RPE65: variants seen among roughly 807,000 people sequenced by gnomAD.
RPE65 encodes retinoid isomerohydrolase.
In RPE65, 58 loss-of-function variants were observed where a neutral mutation model predicts 68.5. The ratio of observed to expected loss-of-function variants is 0.85; its 90% CI spans 0.69 to 1.05. The LOEUF is 1.05. Among genes scored for constraint, RPE65 ranks in the 50% least tolerant of loss-of-function variants. The probability of loss-of-function intolerance (pLI) is 0.00; values close to 1 mark genes in which losing one functional copy is unlikely to be tolerated. For missense variants in RPE65, 643 were observed against 629.9 expected (o/e 1.02, Z -0.22); for synonymous variants, 220 against 222.2 (o/e 0.99, Z 0.09).
intron 5 of RPE65, among the ~76,000 whole-genome samples, chr1:68,442,877 T>C (rs1351316295): frequency 2.6e-5 from 4 of 152,190 alleles, no homozygotes; most frequent in South Asian, 4.1e-4. Context: ...TGTTAAGACA[T>C]AGTAAATAGT....
Position 68,438,281 on chromosome 1 carries a change from T to C in RPE65, c.1034A>G (p.Asn345Ser), listed in dbSNP as rs769440649. The C allele has an allele frequency of 3.1e-6, 5 of 1,613,744 alleles. No homozygotes were observed. Among genetic ancestry groups the C allele is most frequent in the Admixed American group, 1.7e-5 (1 of 59,988 alleles). ...CACCTCTTCCCAGTTCTCACGTAAA[T>C]TGGCTAAATATAAGTAATTATAAAC... ...EFVYNYLYLA[N>S]LRENWEEVKK... The change falls in exon 10 of 14, where the codon AAT (asparagine) becomes AGT (serine). Residue 345 changes from asparagine (N) to serine (S), a missense_variant. By Grantham distance (46) the Asn-to-Ser change is conservative. Transcript: ENST00000262340.
intron 10 of RPE65, among the ~76,000 whole-genome samples, chr1:68,436,465 TA>T (rs1645863620): frequency 6.6e-6 from 1 of 151,406 alleles, no homozygotes; most frequent in Admixed American, 6.6e-5. Context: ...TTTATTTATT[TA>T]TTTATTTATT....
intron 10 of RPE65, among the ~76,000 whole-genome samples, chr1:68,433,991 G>A (rs1645843630): frequency 6.6e-6 from 1 of 151,802 alleles, no homozygotes; most frequent in Non-Finnish European, 1.5e-5. Flanking sequence ...TTGCAGTAGG[G>A]CAAGTGATGT....
chr1:68,431,499 A>G lies in RPE65; in HGVS notation c.1215T>C (p.Pro405=). The part of the protein sequence containing the change: ...LCSDETIWLE[P]EVLFSGPRQA... ...GACGAGGCCCTGAAAAGAGAACTTC[A>G]GGCTCCAGCCAGATAGTCTCGTCAC... Residue 405 remains proline (P), a synonymous_variant, in exon 11 of 14, where the codon CCT becomes CCC. Coordinates refer to ENST00000262340, the MANE Select transcript of RPE65 (RefSeq NM_000329.3). 2 of 1,613,984 alleles carry G rather than the reference A, an allele frequency of 1.2e-6. No homozygotes were observed. The highest frequency in any genetic ancestry group is 1.7e-6 in the Non-Finnish European group (2 of 1,179,920).
rs566689492 is a variant in RPE65 at position 68,438,529 on chromosome 1, C to T, written c.999-213G>A. The stretch of plus-strand genomic sequence containing the variant: ...ATGGATTTGTTTAAGTAACAGCAGC[C>T]TTGAGATACTTTCTGTTCTGTCTTC... On this transcript the variant is annotated intron_variant, in intron 9 of 13. Transcript: ENST00000262340. Among the ~76,000 whole-genome samples the T allele has an allele frequency of 2.6e-5, 4 of 152,122 alleles. No homozygotes were observed. The South Asian group carries it at 8.3e-4, about 32-fold the overall frequency.
intron 10 of RPE65, among the ~76,000 whole-genome samples, chr1:68,435,094 C>T (rs1028083302): frequency 4.6e-5 from 7 of 152,154 alleles, no homozygotes; most frequent in African/African-American, 1.7e-4. Context: ...TTGTCTATGG[C>T]AATGGGCACC....
Position 68,449,938 on chromosome 1 carries a change from C to A in RPE65, c.-33G>T, listed in dbSNP as rs1645971493. 1 of 1,613,852 alleles carries A rather than the reference C, an allele frequency of 6.2e-7. No homozygotes were observed. Among genetic ancestry groups the A allele is most frequent in the Admixed American group, 1.7e-5 (1 of 60,030 alleles). On this transcript the variant is annotated 5_prime_UTR_variant, in exon 1 of 14. Coordinates refer to ENST00000262340, the MANE Select transcript of RPE65 (RefSeq NM_000329.3). ...CAGTTCAGGATCCAGAGTTCTGGCA[C>A]CAACTGCAGAATGAAGAAGGAAGTT... is the stretch of plus-strand genomic sequence containing the variant.
At chr1:68,447,726 G>A (rs1474475498) in intron 2 of RPE65, among the ~76,000 whole-genome samples, 1 of 152,188 alleles carries the variant, frequency 6.6e-6, no homozygotes, top group African/African-American at 2.4e-5. Context: ...GCGGGCGCCT[G>A]TAGTCCCAGC....
intron 5 of RPE65, among the ~76,000 whole-genome samples, chr1:68,442,819 A>G (rs1645912607): frequency 6.6e-6 from 1 of 152,236 alleles, no homozygotes; most frequent in African/African-American, 2.4e-5. Context: ...ACACTTGTAT[A>G]TGGTTACACA....
chr1:68,431,517 C>T lies in RPE65; in HGVS notation c.1197G>A (p.Glu399=). 1 of 1,613,972 alleles carries T rather than the reference C, an allele frequency of 6.2e-7. No homozygotes were observed. The highest frequency in any genetic ancestry group is 8.5e-7 in the Non-Finnish European group (1 of 1,179,912). ...TTATAILCSD[E]TIWLEPEVLF... Reference sequence around the variant, plus strand: ...GAACTTCAGGCTCCAGCCAGATAGTCTCGTCACTGCACAGAATTGCAGTGG... The same window carrying T: ...GAACTTCAGGCTCCAGCCAGATAGTTTCGTCACTGCACAGAATTGCAGTGG... The change falls in exon 11 of 14, where the codon GAG becomes GAA. Residue 399 remains glutamate (E), a synonymous_variant. Transcript: ENST00000262340.
rs1557595714 is a variant in RPE65 at position 68,431,046 on chromosome 1, C to G, written c.1450+19G>C. The G allele has an allele frequency of 1.3e-6, 2 of 1,591,520 alleles. No homozygotes were observed. Reference sequence around the variant, plus strand: ...CTGCAGTAAGAAGAGTATTCAGACACAACAATTGCTTTCATTACCATCATC... The same window carrying G: ...CTGCAGTAAGAAGAGTATTCAGACAGAACAATTGCTTTCATTACCATCATC... On this transcript the variant is annotated intron_variant, in intron 13 of 13. Coordinates refer to ENST00000262340, the MANE Select transcript of RPE65 (RefSeq NM_000329.3).
At chr1:68,441,115 T>G in intron 5 of RPE65, 115 bp from the exon 6 acceptor site, 5 of 1,196,114 alleles carry the variant, frequency 4.2e-6, no homozygotes, top group Non-Finnish European at 4.8e-6. Flanking sequence ...TGCACTTCTC[T>G]TTCTTCCCAT....
intron 10 of RPE65, among the ~76,000 whole-genome samples, chr1:68,435,305 A>C (rs530238048): frequency 1.3e-5 from 2 of 152,054 alleles, no homozygotes; most frequent in Non-Finnish European, 2.9e-5. Flanking sequence ...TCTGGCTCTC[A>C]AATTCTTTAT....
rs3118420 is a variant in RPE65, at chr1:68,438,672, G to T, written c.998+270C>A. ...GAAGATGGGGCTCAAGTTTCCCCAG[G>T]GATTTTGTCAACTTTAAGTTCACCT... On this transcript the variant is annotated intron_variant, in intron 9 of 13. Transcript: ENST00000262340. Among the ~76,000 whole-genome samples, 65,144 of 151,936 alleles carry T rather than the reference G, an allele frequency of 0.43. 15,222 individuals are homozygous for T. Among genetic ancestry groups the T allele is most frequent in the East Asian group, 0.77 (3,973 of 5,174 alleles).
chr1:68,439,735 A>C, intron 6 of RPE65, 93 bp from the exon 7 acceptor site: 1 of 977,066 alleles, frequency 1.0e-6, no homozygotes. Context: ...GCAAAGAAAC[A>C]CATTTTGATT....
At chr1:68,439,536 G>T in intron 7 of RPE65, 25 bp downstream of exon 7, 1 of 1,609,208 alleles carries the variant, frequency 6.2e-7, no homozygotes, top group Non-Finnish European at 8.5e-7. Context: ...TTTTCCTGAA[G>T]ATTCATAGCA....
At chr1:68,444,963 T>G in intron 3 of RPE65, 80 bp from the exon 4 acceptor site, 1 of 1,133,526 alleles carries the variant, frequency 8.8e-7, no homozygotes, top group Middle Eastern at 2.0e-4. Context: ...ATGGCCATTC[T>G]ATGTGTCCTC....
intron 2 of RPE65, among the ~76,000 whole-genome samples, chr1:68,448,252 T>A (rs1645956460): frequency 6.6e-6 from 1 of 152,154 alleles, no homozygotes; most frequent in Non-Finnish European, 1.5e-5. Flanking sequence ...AAAATGGGCA[T>A]GAAACCCACC....
rs1045301005 is a variant in RPE65 at position 68,429,216 on chromosome 1, G to A, written c.*560C>T. 3 of 152,674 alleles carry A rather than the reference G, an allele frequency of 2.0e-5. No homozygotes were observed. The highest frequency in any genetic ancestry group is 1.9e-4 in the East Asian group (1 of 5,206). The allele number at this position is 152,674 out of a possible 1,614,324, so 9.5% of individuals were successfully genotyped here. The stretch of plus-strand genomic sequence containing the variant: ...ATAATAGTACTTGCTTGTAATAAAC[G>A]GAAAGGTTAACATTCATAAGATTCA... On this transcript the variant is annotated 3_prime_UTR_variant, in exon 14 of 14. Coordinates refer to ENST00000262340, the MANE Select transcript of RPE65 (RefSeq NM_000329.3).
Sources: allele counts gnomAD v4.1 joint callset (sites outside exome capture counted in the v4.1 genomes callset), GRCh38; gene constraint gnomAD v4.1.1; transcripts MANE v1.5; gene names NCBI Gene and HGNC (gene_info 2026-07-23, HGNC 2026-07-21).